KCNAB1: variants seen among roughly 807,000 people sequenced by gnomAD.
KCNAB1 encodes the protein voltage-gated potassium channel subunit beta-1.
Under a neutral mutation model 64.6 loss-of-function variants are expected in KCNAB1, and 35 were observed. That is an observed-to-expected ratio of 0.54 (90% CI 0.41 to 0.72). The LOEUF (loss-of-function observed/expected upper bound fraction) is 0.72, where lower values mean the gene tolerates loss of function less well. KCNAB1 is among the 30% of genes least tolerant of loss of function. KCNAB1 has a pLI of 0.00. For missense variants in KCNAB1, 401 were observed against 512.9 expected (o/e 0.78, Z 2.11); for synonymous variants, 177 against 183.8 (o/e 0.96, Z 0.30).
At chr3:156,487,044 G>A (rs970037291) in intron 8 of KCNAB1, among the ~76,000 whole-genome samples, 9 of 152,168 alleles carry the variant, frequency 5.9e-5, no homozygotes, top group East Asian at 3.9e-4. Flanking sequence ...CTTGTTACAC[G>A]TTTAAATACC....
chr3:156,276,756 T>A (rs1352157837), intron 1 of KCNAB1, among the ~76,000 whole-genome samples: 3 of 152,222 alleles, frequency 2.0e-5, no homozygotes, highest in Non-Finnish European at 2.9e-5. Context: ...AAAAGAATTA[T>A]GGCCTTGCTC....
At chr3:156,527,503 G>GC (rs1433522025) in intron 12 of KCNAB1, among the ~76,000 whole-genome samples, 3 of 152,076 alleles carry the variant, frequency 2.0e-5, no homozygotes, top group Non-Finnish European at 4.4e-5. Flanking sequence ...ATAGTAACAT[G>GC]AAGTATTAAA....
chr3:156,153,913 T>C (rs984551001), intron 1 of KCNAB1, among the ~76,000 whole-genome samples: 1 of 152,262 alleles, frequency 6.6e-6, no homozygotes, highest in Non-Finnish European at 1.5e-5. Flanking sequence ...TTGCATGAGC[T>C]AGTTCCTTAT....
At chr3:156,501,283 G>A (rs1313998725) in intron 8 of KCNAB1, among the ~76,000 whole-genome samples, 1 of 152,102 alleles carries the variant, frequency 6.6e-6, no homozygotes, top group African/African-American at 2.4e-5. Flanking sequence ...TATTAAGTAA[G>A]TAGGAATAAA....
At chr3:156,302,276 C>T (rs1721203660) in intron 1 of KCNAB1, among the ~76,000 whole-genome samples, 1 of 152,244 alleles carries the variant, frequency 6.6e-6, no homozygotes, top group East Asian at 1.9e-4. Context: ...ACCTCAGAAT[C>T]CTTAATTAAT....
intron 1 of KCNAB1, among the ~76,000 whole-genome samples, chr3:156,318,478 C>A (rs1318017720): frequency 1.3e-5 from 2 of 152,014 alleles, no homozygotes; most frequent in African/African-American, 4.8e-5. Context: ...GAATATGGAC[C>A]CTATGCTGCC....
intron 1 of KCNAB1, among the ~76,000 whole-genome samples, chr3:156,130,147 T>G (rs1037270931): frequency 3.3e-5 from 5 of 152,214 alleles, no homozygotes; most frequent in African/African-American, 1.2e-4. Context: ...ATTTTAAAGA[T>G]TAGATCCAAA....
chr3:156,246,236 A>G (rs1006426229), intron 1 of KCNAB1, among the ~76,000 whole-genome samples: 10 of 152,214 alleles, frequency 6.6e-5, no homozygotes, highest in Non-Finnish European at 8.8e-5. Flanking sequence ...AATTCGCAAT[A>G]TATGTTTGTA....
At chr3:156,119,098 C>T (rs1713208855), upstream of KCNAB1, among the ~76,000 whole-genome samples, 1 of 152,180 alleles carries the variant, frequency 6.6e-6, no homozygotes. Flanking sequence ...ACAGGTTTCA[C>T]CCAAATGTGC....
At chr3:156,526,237 G>A (rs891446791) in intron 12 of KCNAB1, among the ~76,000 whole-genome samples, 1 of 152,134 alleles carries the variant, frequency 6.6e-6, no homozygotes, top group African/African-American at 2.4e-5. Flanking sequence ...AACTAGGTTT[G>A]CATAAGTACC....
chr3:156,285,146 T>A (rs1237377808), intron 1 of KCNAB1, among the ~76,000 whole-genome samples: 8 of 152,310 alleles, frequency 5.3e-5, no homozygotes, highest in Non-Finnish European at 1.2e-4. Flanking sequence ...GTGACCACAT[T>A]TTTAATATTA....
At chr3:156,342,585 C>CTTTTTTTTTTT (rs60982892) in intron 1 of KCNAB1, among the ~76,000 whole-genome samples, 23 of 86,038 alleles carry the variant, frequency 2.7e-4, no homozygotes, top group Non-Finnish European at 4.1e-4. Flanking sequence ...CTATGTGTTT[C>CTTTTTTTTTTT]TTTTTTTTTT....
chr3:156,261,441 T>C (rs1372551449), intron 1 of KCNAB1, among the ~76,000 whole-genome samples: 3 of 151,942 alleles, frequency 2.0e-5, no homozygotes, highest in South Asian at 2.1e-4. Flanking sequence ...GCCTAAGTAA[T>C]TTTTTTCTCA....
intron 1 of KCNAB1, among the ~76,000 whole-genome samples, chr3:156,167,352 C>T (rs957187377): frequency 2.0e-5 from 3 of 152,172 alleles, no homozygotes; most frequent in Non-Finnish European, 2.9e-5. Context: ...GAGGCATGAG[C>T]TGGTCCCCAA....
intron 1 of KCNAB1, among the ~76,000 whole-genome samples, chr3:156,142,538 C>T (rs1165129898): frequency 1.3e-5 from 2 of 152,194 alleles, no homozygotes; most frequent in Non-Finnish European, 2.9e-5. Context: ...AAAAGCTATT[C>T]TTCCTCCACA....
intron 1 of KCNAB1, among the ~76,000 whole-genome samples, chr3:156,224,298 G>A (rs111928058): frequency 3.3e-5 from 5 of 152,350 alleles, no homozygotes; most frequent in African/African-American, 9.6e-5. Context: ...GTTTCCACCC[G>A]TGCCTCTCCC....
At chr3:156,408,811 C>A (rs1162868095) in intron 1 of KCNAB1, among the ~76,000 whole-genome samples, 4 of 151,890 alleles carry the variant, frequency 2.6e-5, no homozygotes, top group African/African-American at 4.8e-5. Context: ...AAATAAATAA[C>A]CTGAGTTCAG....
chr3:156,296,469 C>G (rs914959499), intron 1 of KCNAB1, among the ~76,000 whole-genome samples: 6 of 148,546 alleles, frequency 4.0e-5, no homozygotes, highest in Non-Finnish European at 6.0e-5. Context: ...ACTCCCCCCC[C>G]CCCCACCTTT....
At chr3:156,182,050 T>C (rs904805219) in intron 1 of KCNAB1, among the ~76,000 whole-genome samples, 2 of 152,228 alleles carry the variant, frequency 1.3e-5, no homozygotes, top group Non-Finnish European at 2.9e-5. Flanking sequence ...TCCTTCTTTT[T>C]AGTATTATTC....
Sources: gnomAD v4.1 joint callset for allele counts (sites outside exome capture counted in the v4.1 genomes callset) on GRCh38, gnomAD v4.1.1 for gene constraint, MANE v1.5 for transcripts, NCBI Gene and HGNC (gene_info 2026-07-23, HGNC 2026-07-21) for gene names.